The following BRWD1 variants were observed in gnomAD, a reference collection of about 807,000 sequenced individuals.
BRWD1 encodes the protein bromodomain and WD repeat domain containing 1, also known as bromodomain and WD repeat-containing protein 1.
BRWD1 carries 82 observed loss-of-function variants against 251.2 expected under a neutral mutation model. The ratio of observed to expected loss-of-function variants is 0.33; its 90% CI spans 0.27 to 0.39. The LOEUF (loss-of-function observed/expected upper bound fraction) is 0.39. BRWD1 is among the 10% of genes least tolerant of loss of function. The probability of loss-of-function intolerance (pLI) is 1.00; values close to 1 mark genes in which losing one functional copy is unlikely to be tolerated. For missense variants in BRWD1, 2,233 were observed against 2,711.6 expected (o/e 0.82, Z 3.92); for synonymous variants, 918 against 902.8 (o/e 1.02, Z -0.30).
At chr21:39,295,338 C>G (rs1177201915) in intron 7 of BRWD1, among the ~76,000 whole-genome samples, 3 of 151,766 alleles carry the variant, frequency 2.0e-5, no homozygotes, top group Non-Finnish European at 2.9e-5. Flanking sequence ...AGGCGCCCAC[C>G]ACCACACCCG....
At chr21:39,225,023 T>C (rs146077471) in intron 28 of BRWD1, 63 bp downstream of exon 28, 1 of 1,224,812 alleles carries the variant, frequency 8.2e-7, no homozygotes, top group African/African-American at 1.5e-5. Flanking sequence ...AAATGTATTA[T>C]TTATACAGCA....
chr21:39,186,823 G>T lies in BRWD1; in HGVS notation c.*9436C>A. The T allele has an allele frequency of 1.3e-6, 1 of 782,972 alleles. No individual in the cohort carries two copies. Among genetic ancestry groups the T allele is most frequent in the Non-Finnish European group, 1.8e-6 (1 of 553,598 alleles). The allele number at this position is 782,972 out of a possible 1,614,324, so 48.5% of individuals were successfully genotyped here. A position where few individuals can be genotyped will look rare whatever the true frequency, so the allele number is the denominator to read the frequency against. On this transcript the variant is annotated 3_prime_UTR_variant, in exon 41 of 41. Coordinates refer to ENST00000342449, the MANE Select transcript of BRWD1 (RefSeq NM_033656.4). ...TTCCACCTCTCCACCTACAGACTCT[G>T]CAATTTATTTCCTCCTCAGAATTCC...
intron 25 of BRWD1, 107 bp from the exon 26 acceptor site, chr21:39,229,543 C>A: frequency 1.8e-6 from 2 of 1,089,112 alleles, no homozygotes; most frequent in Non-Finnish European, 1.3e-6. Context: ...GCTTCCAAAC[C>A]CGCAGACAAG....
intron 37 of BRWD1, among the ~76,000 whole-genome samples, 175 bp downstream of exon 37, chr21:39,205,933 A>T (rs2032368305): frequency 6.6e-6 from 1 of 151,978 alleles, no homozygotes. Context: ...TACAAAAATT[A>T]GCCAGATGTG....
At position 39,199,069 on chromosome 21, in the gene BRWD1, T is replaced by C; in HGVS notation, c.5347A>G (p.Lys1783Glu). The change falls in exon 40 of 41, where the codon AAG becomes GAG. Residue 1783 changes from lysine (K) to glutamate (E), a missense_variant. Lys to Glu is a moderately conservative substitution (Grantham distance 56). Around this residue, in one of 12 missense-constraint regions of BRWD1, gnomAD observed 928 missense variants for 970.0 expected, o/e 0.96. Transcript: ENST00000342449. ...GCTTCCTCTGAGATGCTCTCTGCCTTAAGTTTCTGCACAGACGTTGATGGG... is the reference window on the plus strand; with the variant it reads ...GCTTCCTCTGAGATGCTCTCTGCCTCAAGTTTCTGCACAGACGTTGATGGG... ...AGPSTSVQKLKAESISEEADS... is the reference protein window; with the variant it reads ...AGPSTSVQKLEAESISEEADS... 5.0e-6 allele frequency: 8 copies of C among 1,614,204 alleles called. No individual in the cohort carries two copies. The highest frequency in any genetic ancestry group is 6.8e-6 in the Non-Finnish European group (8 of 1,180,036).
intron 29 of BRWD1, among the ~76,000 whole-genome samples, chr21:39,220,927 G>A (rs965970679): frequency 1.3e-5 from 2 of 152,062 alleles, no homozygotes; most frequent in Admixed American, 6.5e-5. Flanking sequence ...GGATGCCGAG[G>A]CAGGGGGATC....
intron 13 of BRWD1, among the ~76,000 whole-genome samples, chr21:39,273,319 A>G (rs945592972): frequency 2.0e-4 from 30 of 152,284 alleles, no homozygotes; most frequent in African/African-American, 7.2e-4. Flanking sequence ...TATATATAAT[A>G]AAGATTTTTT....
chr21:39,247,613 A>T, intron 21 of BRWD1, 88 bp downstream of exon 21: 1 of 1,330,584 alleles, frequency 7.5e-7, no homozygotes, highest in South Asian at 1.6e-5. Flanking sequence ...GTGTTTTCAT[A>T]TAAATTTGGG....
chr21:39,274,889 A>C (rs1245648763), intron 12 of BRWD1, among the ~76,000 whole-genome samples: 1 of 152,080 alleles, frequency 6.6e-6, no homozygotes, highest in East Asian at 1.9e-4. Context: ...AAAATACAAA[A>C]ATTAGCCAGG....
At position 39,236,801 on chromosome 21, in the gene BRWD1, CTTTCAGTTG is replaced by C; in HGVS notation, c.2577-26_2577-18del. The stretch of plus-strand genomic sequence containing the variant: ...GAAGAGTCACTAGAAAAGGGGAGTG[CTTTCAGTTG>C]AATGGAGCCAGAATATAAGCACTGA... On this transcript the variant is annotated intron_variant, in intron 22 of 40. Coordinates refer to ENST00000342449, the MANE Select transcript of BRWD1 (RefSeq NM_033656.4). 6.2e-7 allele frequency: 1 copy of C among 1,607,360 alleles called. No homozygotes were observed. The highest frequency in any genetic ancestry group is 8.5e-7 in the Non-Finnish European group (1 of 1,176,688).
chr21:39,314,542 T>C (rs1450623835), upstream of BRWD1: 1 of 350,446 alleles, frequency 2.9e-6, no homozygotes, highest in African/African-American at 2.2e-5. Context: ...TAGTAGGATG[T>C]GAGGTTGGAG....
At chr21:39,248,641 CAAAAAAAAAAAAAAAAAAAAAAAAAA>C (rs375430016) in intron 20 of BRWD1, among the ~76,000 whole-genome samples, 4 of 83,284 alleles carry the variant, frequency 4.8e-5, no homozygotes, top group South Asian at 4.2e-4. Flanking sequence ...CCCTATCTCC[CAAAAAAAAAAAAAAAAAAAAAAAAAA>C]AAAAAAAAAA....
intron 19 of BRWD1, among the ~76,000 whole-genome samples, chr21:39,254,636 C>T (rs1263472282): frequency 6.6e-6 from 1 of 152,200 alleles, no homozygotes; most frequent in Non-Finnish European, 1.5e-5. Flanking sequence ...CCTACACAAA[C>T]TTTGCTACTT....
intron 36 of BRWD1, among the ~76,000 whole-genome samples, chr21:39,209,116 G>A (rs1025926856): frequency 7.2e-5 from 11 of 152,030 alleles, no homozygotes; most frequent in Admixed American, 2.0e-4. Context: ...TGAGCCTGCT[G>A]ACATCAGAGC....
At chr21:39,280,769 G>C (rs2035430981) in intron 8 of BRWD1, among the ~76,000 whole-genome samples, 1 of 152,116 alleles carries the variant, frequency 6.6e-6, no homozygotes, top group South Asian at 2.1e-4. Context: ...CAGTAATCTG[G>C]AAAAAAACTA....
At chr21:39,272,563 C>T (rs2146679297) in intron 13 of BRWD1, among the ~76,000 whole-genome samples, 1 of 150,834 alleles carries the variant, frequency 6.6e-6, no homozygotes, top group East Asian at 1.9e-4. Context: ...GGCAAAGACT[C>T]CATTCTTCAC....
chr21:39,250,574 A>G (rs1179486453), intron 20 of BRWD1, among the ~76,000 whole-genome samples: 1 of 151,286 alleles, frequency 6.6e-6, no homozygotes, highest in Non-Finnish European at 1.5e-5. Context: ...TTAAGAACTC[A>G]ATACCATTGT....
intron 18 of BRWD1, among the ~76,000 whole-genome samples, chr21:39,256,224 G>A (rs1287772208): frequency 1.3e-5 from 2 of 152,164 alleles, no homozygotes; most frequent in African/African-American, 4.8e-5. Context: ...ATTATAAAAT[G>A]TACATTTCAC....
intron 17 of BRWD1, among the ~76,000 whole-genome samples, chr21:39,261,419 T>C (rs369581858): frequency 1.3e-5 from 2 of 152,112 alleles, no homozygotes; most frequent in African/African-American, 4.8e-5. Context: ...ATACCTAGAA[T>C]AGTAAAAAGA....
Sources: gnomAD v4.1 joint callset for allele counts (sites outside exome capture counted in the v4.1 genomes callset) on GRCh38, gnomAD v4.1.1 for gene constraint, gnomAD v4.1.1 regional missense constraint, MANE v1.5 for transcripts, NCBI Gene and HGNC (gene_info 2026-07-23, HGNC 2026-07-21) for gene names.